C10orf143: variants seen among roughly 807,000 people sequenced by gnomAD.
The protein encoded by C10orf143 is chromosome 10 open reading frame 143, also known as uncharacterized protein C10orf143.
chr10:130,047,220 A>G (rs1293803237), intron 3 of C10orf143, among the ~76,000 whole-genome samples: 3 of 152,204 alleles, frequency 2.0e-5, no homozygotes, highest in Non-Finnish European at 4.4e-5. Context: ...GTTATCATAC[A>G]GGGGAGCCTG....
chr10:130,105,380 C>T (rs2764364), intron 1 of C10orf143, among the ~76,000 whole-genome samples: 90,286 of 152,066 alleles, frequency 0.59, 27,817 homozygotes, highest in Admixed American at 0.71. Context: ...ACCCCCTCTG[C>T]GTTTCAGCTG....
At chr10:130,076,788 C>T (rs1272812681) in intron 3 of C10orf143, among the ~76,000 whole-genome samples, 1 of 152,126 alleles carries the variant, frequency 6.6e-6, no homozygotes, top group Non-Finnish European at 1.5e-5. Flanking sequence ...ACACGCAAGC[C>T]GCGCGATCCG....
At chr10:130,084,235 A>G (rs1230399284) in intron 1 of C10orf143, among the ~76,000 whole-genome samples, 1 of 152,148 alleles carries the variant, frequency 6.6e-6, no homozygotes, top group Non-Finnish European at 1.5e-5. Flanking sequence ...AATCACTTGA[A>G]CACGGGAGGT....
intron 1 of C10orf143, among the ~76,000 whole-genome samples, chr10:130,092,566 A>G (rs1861398957): frequency 6.6e-6 from 1 of 152,310 alleles, no homozygotes. Flanking sequence ...ACACATAACA[A>G]TATTAACCTT....
At chr10:130,080,020 T>C in intron 1 of C10orf143, 119 bp from the exon 2 acceptor site, 2 of 397,780 alleles carry the variant, frequency 5.0e-6, no homozygotes, top group Non-Finnish European at 8.8e-6. Context: ...GAAAACTTTA[T>C]AGGGCATTTG....
chr10:130,098,479 A>C (rs1178226140), intron 1 of C10orf143, among the ~76,000 whole-genome samples: 1 of 152,228 alleles, frequency 6.6e-6, no homozygotes, highest in African/African-American at 2.4e-5. Flanking sequence ...AATTTTCCCT[A>C]AACAAAGATG....
downstream of C10orf143, among the ~76,000 whole-genome samples, chr10:130,063,475 C>G (rs1053998096): frequency 3.3e-4 from 50 of 152,296 alleles, no homozygotes; most frequent in African/African-American, 1.2e-3. Flanking sequence ...GGATCTTACC[C>G]AGGCTTAATG....
intron 1 of C10orf143, among the ~76,000 whole-genome samples, chr10:130,083,351 G>C (rs1403743423): frequency 1.3e-5 from 2 of 152,118 alleles, no homozygotes; most frequent in Non-Finnish European, 2.9e-5. Flanking sequence ...AGGGAAATTT[G>C]GCAATACAAA....
At chr10:130,090,454 G>C (rs915297199) in intron 1 of C10orf143, among the ~76,000 whole-genome samples, 1 of 152,166 alleles carries the variant, frequency 6.6e-6, no homozygotes, top group Admixed American at 6.5e-5. Flanking sequence ...TACACCACCA[G>C]GGCCCTGGGT....
intron 1 of C10orf143, among the ~76,000 whole-genome samples, chr10:130,092,348 T>C (rs1428125679): frequency 6.6e-6 from 1 of 152,092 alleles, no homozygotes; most frequent in Admixed American, 6.6e-5. Flanking sequence ...ATAAAATCCT[T>C]TACAGACAAG....
intron 3 of C10orf143, among the ~76,000 whole-genome samples, chr10:130,044,984 G>T (rs1015985622): frequency 6.6e-6 from 1 of 152,208 alleles, no homozygotes; most frequent in African/African-American, 2.4e-5. Context: ...TCACTGGCAT[G>T]TGGCTGATGC....
rs116068223 is a variant in C10orf143 at position 130,044,800 on chromosome 10, C to A, written c.298-8830G>T. ...GACTTCCTCTGGGGATGTACCCTTG[C>A]CACCTGTGTACCCCAGAAAGGGCTT... On this transcript the variant is annotated intron_variant and NMD_transcript_variant, in intron 3 of 5. Transcript: ENST00000643056. Among the ~76,000 whole-genome samples the A allele has an allele frequency of 2.7e-3, 413 of 152,244 alleles. 3 individuals carry two copies. The highest frequency in any genetic ancestry group is 9.3e-3 in the African/African-American group (386 of 41,528).
chr10:130,078,276 A>G (rs1034269172), intron 3 of C10orf143, among the ~76,000 whole-genome samples: 2 of 152,184 alleles, frequency 1.3e-5, no homozygotes, highest in South Asian at 4.1e-4. Flanking sequence ...CTACATTCCA[A>G]GTGTTTGCTT....
rs191529909 is a variant in C10orf143, at chr10:130,102,512, G to A, written c.69+8192C>T. ...TGGCCTCAAATTCCTGACCTCAAGC[G>A]ATCCGCCCACCTCGGCCTCCCAAAG... On this transcript the variant is annotated intron_variant, in intron 1 of 3. Transcript: ENST00000637128. 6.6e-4 allele frequency among the ~76,000 whole-genome samples: 101 copies of A among 152,198 alleles called. 2 individuals carry two copies. In the East Asian group the frequency reaches 0.019, roughly 28 times the overall value.
intron 3 of C10orf143, among the ~76,000 whole-genome samples, chr10:130,045,525 C>T (rs1564952141): frequency 6.6e-6 from 1 of 152,236 alleles, no homozygotes; most frequent in Non-Finnish European, 1.5e-5. Flanking sequence ...ACGCCCCCCG[C>T]GAGCGCCACG....
intron 1 of C10orf143, among the ~76,000 whole-genome samples, chr10:130,090,574 C>G (rs1384150864): frequency 1.3e-5 from 2 of 152,088 alleles, no homozygotes; most frequent in Non-Finnish European, 2.9e-5. Flanking sequence ...ACCATTCACT[C>G]CCCTGGAAAG....
chr10:130,043,723 C>T (rs538204561), intron 3 of C10orf143, among the ~76,000 whole-genome samples: 1 of 152,328 alleles, frequency 6.6e-6, no homozygotes, highest in South Asian at 2.1e-4. Flanking sequence ...TGTGGTCTTC[C>T]AGAAGTTGAA....
chr10:130,094,289 C>T (rs140721370), intron 1 of C10orf143, among the ~76,000 whole-genome samples: 2 of 152,092 alleles, frequency 1.3e-5, no homozygotes, highest in African/African-American at 2.4e-5. Flanking sequence ...GCAAATTCTA[C>T]CAGAGGTACA....
chr10:130,088,090 C>T (rs534332680), intron 1 of C10orf143, among the ~76,000 whole-genome samples: 6 of 152,250 alleles, frequency 3.9e-5, no homozygotes, highest in Non-Finnish European at 8.8e-5. Flanking sequence ...AATTAACATA[C>T]CAAAGGAGCT....
Sources: allele counts gnomAD v4.1 joint callset (sites outside exome capture counted in the v4.1 genomes callset), GRCh38; gene constraint gnomAD v4.1.1; transcripts MANE v1.5; gene names NCBI Gene and HGNC (gene_info 2026-07-23, HGNC 2026-07-21).